The following TRAPPC9 variants were observed in gnomAD, a reference collection of about 807,000 sequenced individuals.
TRAPPC9 encodes IKK2 binding protein.
Under a neutral mutation model 124.0 loss-of-function variants are expected in TRAPPC9, and 83 were observed. The ratio of observed to expected loss-of-function variants is 0.67; its 90% CI spans 0.56 to 0.80. TRAPPC9 has a LOEUF of 0.80. TRAPPC9 is among the 30% of genes least tolerant of loss of function. The pLI is 0.00. For missense variants in TRAPPC9, 1,302 were observed against 1,508.3 expected (o/e 0.86, Z 2.27); for synonymous variants, 638 against 617.5 (o/e 1.03, Z -0.49).
chr8:139,973,017 T>A (rs1836205240), intron 19 of TRAPPC9, among the ~76,000 whole-genome samples: 1 of 152,048 alleles, frequency 6.6e-6, no homozygotes, highest in Non-Finnish European at 1.5e-5. Flanking sequence ...AGCTACCCCA[T>A]GGACTAGGGG....
intron 7 of TRAPPC9, among the ~76,000 whole-genome samples, chr8:140,396,426 C>A (rs1370104455): frequency 6.6e-6 from 1 of 152,096 alleles, no homozygotes; most frequent in Non-Finnish European, 1.5e-5. Context: ...CAGGCGTGAG[C>A]CACTGCGCCT....
intron 9 of TRAPPC9, among the ~76,000 whole-genome samples, chr8:140,341,765 C>T (rs905926192): frequency 6.6e-5 from 10 of 151,660 alleles, no homozygotes; most frequent in African/African-American, 2.2e-4. Context: ...GCACGGAGCA[C>T]GGGAAGGGGG....
At chr8:140,265,171 C>CAAG (rs145207143) in intron 15 of TRAPPC9, among the ~76,000 whole-genome samples, 28,085 of 152,024 alleles carry the variant, frequency 0.18, 2,660 homozygotes, top group Admixed American at 0.22. Context: ...CAGCAGAGTG[C>CAAG]AAGAGATTCG....
rs544514957 is a variant in TRAPPC9, at chr8:140,257,657, C to T, written c.2279-4728G>A. Among the ~76,000 whole-genome samples, 16 of 152,314 alleles carry T rather than the reference C, an allele frequency of 1.1e-4. No homozygotes were observed. Among genetic ancestry groups the T allele is most frequent in the African/African-American group, 3.6e-4 (15 of 41,574 alleles). On this transcript the variant is annotated intron_variant, in intron 15 of 22. Transcript: ENST00000438773. The surrounding 1 kb of genome is among the most constrained non-coding windows in gnomAD (Gnocchi z 4.6). ...TCTTAAGTCCAGAACTCTGCCCCAT[C>T]GTGTGCCTACTACTGGAAATGTCTT...
rs145385214 is a variant in TRAPPC9, at chr8:139,902,147, C to T, written c.2964+8000G>A. ...ACGTTCACACACACATGCATGCACA[C>T]ACATGAAGATGGGAAATGATGCTGT... On this transcript the variant is annotated intron_variant, in intron 20 of 22. Coordinates refer to ENST00000438773, the MANE Select transcript of TRAPPC9 (RefSeq NM_001160372.4). 1.9e-3 allele frequency among the ~76,000 whole-genome samples: 288 copies of T among 152,344 alleles called. 1 individual carries two copies. The highest frequency in any genetic ancestry group is 2.6e-3 in the Non-Finnish European group (179 of 68,030).
chr8:140,113,149 A>G (rs2060814068), intron 17 of TRAPPC9, among the ~76,000 whole-genome samples: 1 of 152,246 alleles, frequency 6.6e-6, no homozygotes, highest in Admixed American at 6.5e-5. Context: ...TGGTGAAGAA[A>G]GTAAAGAGCA....
chr8:140,031,712 T>A (rs768496532), intron 17 of TRAPPC9, among the ~76,000 whole-genome samples: 73 of 152,250 alleles, frequency 4.8e-4, no homozygotes, highest in Non-Finnish European at 1.0e-3. Context: ...CCAAAGTTTT[T>A]CTTCAGTGTT....
At chr8:140,041,703 G>C (rs1362852197) in intron 17 of TRAPPC9, among the ~76,000 whole-genome samples, 1 of 152,252 alleles carries the variant, frequency 6.6e-6, no homozygotes, top group African/African-American at 2.4e-5. Flanking sequence ...CAAGCGCAGT[G>C]GCTCATGCCT....
At chr8:140,301,170 T>C (rs377068536) in intron 10 of TRAPPC9, among the ~76,000 whole-genome samples, 226 of 152,288 alleles carry the variant, frequency 1.5e-3, no homozygotes, top group African/African-American at 5.1e-3. Context: ...ATGGCACCCA[T>C]GAGAAGGTCA....
At chr8:140,259,699 C>T (rs1377571161) in intron 15 of TRAPPC9, among the ~76,000 whole-genome samples, 1 of 152,230 alleles carries the variant, frequency 6.6e-6, no homozygotes, top group African/African-American at 2.4e-5. Context: ...ACAATCTTCA[C>T]AACCCTTTAT....
intron 5 of TRAPPC9, among the ~76,000 whole-genome samples, chr8:140,409,784 A>G (rs1448338628): frequency 2.6e-5 from 4 of 152,226 alleles, no homozygotes. Context: ...TTATTTAAAA[A>G]ATAAGAAGAA....
chr8:139,930,192 G>A lies in TRAPPC9; in HGVS notation c.2811-19892C>T, dbSNP rs531327322. Reference sequence around the variant, plus strand: ...AAGGGGGTGACACTCAGGAAGAGCTGAGACCCTTAAGCCTTCTACGCACTA... The same window carrying A: ...AAGGGGGTGACACTCAGGAAGAGCTAAGACCCTTAAGCCTTCTACGCACTA... On this transcript the variant is annotated intron_variant, in intron 19 of 22. Transcript: ENST00000438773. 3.3e-5 allele frequency among the ~76,000 whole-genome samples: 5 copies of A among 152,362 alleles called. No individual in the cohort carries two copies. The South Asian group carries it at 1.0e-3, about 32-fold the overall frequency.
chr8:139,750,148 C>T (rs957279610), intron 21 of TRAPPC9, among the ~76,000 whole-genome samples: 10 of 152,250 alleles, frequency 6.6e-5, no homozygotes, highest in African/African-American at 2.2e-4. Context: ...TCACCTCAGT[C>T]CTGAAGCATC....
chr8:140,120,406 T>C (rs1292199552), intron 17 of TRAPPC9, among the ~76,000 whole-genome samples: 1 of 152,218 alleles, frequency 6.6e-6, no homozygotes, highest in Non-Finnish European at 1.5e-5. Context: ...CTGAGTTAAT[T>C]AATACAATAT....
intron 21 of TRAPPC9, among the ~76,000 whole-genome samples, chr8:139,881,611 A>T (rs1004323429): frequency 1.3e-5 from 2 of 152,112 alleles, no homozygotes; most frequent in African/African-American, 4.8e-5. Context: ...CCACCCTAAC[A>T]AAGGCAAGGC....
chr8:139,959,889 G>A (rs1467211089), intron 19 of TRAPPC9, among the ~76,000 whole-genome samples: 2 of 152,176 alleles, frequency 1.3e-5, no homozygotes, highest in Non-Finnish European at 2.9e-5. Context: ...GACCACACAA[G>A]ACCCAGGAGT....
At chr8:139,808,291 C>G (rs1363995085) in intron 21 of TRAPPC9, among the ~76,000 whole-genome samples, 1 of 152,044 alleles carries the variant, frequency 6.6e-6, no homozygotes, top group Non-Finnish European at 1.5e-5. Context: ...AAACCCTGTC[C>G]CTACTAAAAA....
chr8:140,117,901 A>T (rs2130577895), intron 17 of TRAPPC9, among the ~76,000 whole-genome samples: 1 of 152,334 alleles, frequency 6.6e-6, no homozygotes, highest in South Asian at 2.1e-4. Context: ...TAGAAAATAA[A>T]AAATAGATTT....
intron 19 of TRAPPC9, among the ~76,000 whole-genome samples, chr8:139,964,939 T>C (rs750233325): frequency 6.6e-6 from 1 of 152,186 alleles, no homozygotes; most frequent in African/African-American, 2.4e-5. Context: ...ATCTATCCTA[T>C]CGTACCGAGC....
Sources: allele counts gnomAD v4.1 joint callset (sites outside exome capture counted in the v4.1 genomes callset), GRCh38; gene constraint gnomAD v4.1.1; non-coding constraint Gnocchi (gnomAD v3.1); transcripts MANE v1.5; gene names NCBI Gene and HGNC (gene_info 2026-07-23, HGNC 2026-07-21).